RGS5: variants seen among roughly 807,000 people sequenced by gnomAD.
The protein encoded by RGS5 is regulator of G-protein signalling 5.
Under a neutral mutation model 18.9 loss-of-function variants are expected in RGS5, and 20 were observed. The ratio of observed to expected loss-of-function variants is 1.06; its 90% CI spans 0.74 to 1.54. The LOEUF is 1.54. Among genes scored for constraint, RGS5 ranks in the 40% most tolerant of loss-of-function variants. The pLI is 0.00. For missense variants in RGS5, 201 were observed against 211.8 expected (o/e 0.95, Z 0.32); for synonymous variants, 57 against 76.2 (o/e 0.75, Z 1.31).
chr1:163,278,481 T>TC (rs1648913726), intron 2 of RGS5, among the ~76,000 whole-genome samples: 1 of 152,098 alleles, frequency 6.6e-6, no homozygotes, highest in Non-Finnish European at 1.5e-5. Flanking sequence ...GAGATCATTT[T>TC]CAGGACCTGA....
At chr1:163,176,621 C>CAA (rs11397464) in intron 1 of RGS5, among the ~76,000 whole-genome samples, 36,032 of 141,790 alleles carry the variant, frequency 0.25, 4,739 homozygotes, top group Middle Eastern at 0.44. Context: ...AACTCAGTCT[C>CAA]AAAAAAAAAA....
intron 2 of RGS5, among the ~76,000 whole-genome samples, chr1:163,243,776 A>T (rs569377745): frequency 1.4e-4 from 22 of 152,034 alleles, no homozygotes; most frequent in African/African-American, 5.3e-4. Context: ...ACATTAAAAA[A>T]AAAAAAGAAG....
At chr1:163,238,744 T>C (rs1216242667) in intron 2 of RGS5, 1 of 235,944 alleles carries the variant, frequency 4.2e-6, no homozygotes, top group Non-Finnish European at 9.1e-6. Flanking sequence ...CATAGGTTTA[T>C]CTGCTAATTA....
At chr1:163,167,500 T>C (rs1191789431) in intron 2 of RGS5, among the ~76,000 whole-genome samples, 2 of 152,206 alleles carry the variant, frequency 1.3e-5, no homozygotes, top group Non-Finnish European at 2.9e-5. Context: ...CAATGCACAC[T>C]GTGAGACCTG....
At chr1:163,279,934 T>C (rs1171383469) in intron 2 of RGS5, among the ~76,000 whole-genome samples, 3 of 151,930 alleles carry the variant, frequency 2.0e-5, no homozygotes, top group Admixed American at 6.6e-5. Flanking sequence ...TGGATACATA[T>C]AACCTACCAA....
chr1:163,267,236 C>T (rs1481386005), intron 2 of RGS5: 2 of 152,054 alleles, frequency 1.3e-5, no homozygotes, highest in African/African-American at 4.8e-5. Flanking sequence ...CTTTCACCCT[C>T]TCTCTCTTTT....
At chr1:163,261,439 C>A (rs992444872) in intron 2 of RGS5, among the ~76,000 whole-genome samples, 4 of 152,166 alleles carry the variant, frequency 2.6e-5, no homozygotes, top group Non-Finnish European at 4.4e-5. Flanking sequence ...AAAACTAGGT[C>A]CATCCTCTGC....
At chr1:163,292,991 T>G (rs758063336) in intron 2 of RGS5, among the ~76,000 whole-genome samples, 1 of 151,516 alleles carries the variant, frequency 6.6e-6, no homozygotes. Flanking sequence ...GTTGATAGTT[T>G]CCTTTGCTGT....
At chr1:163,284,602 CT>C (rs1300550727) in intron 2 of RGS5, among the ~76,000 whole-genome samples, 4 of 152,100 alleles carry the variant, frequency 2.6e-5, no homozygotes, top group African/African-American at 9.7e-5. Context: ...ATGAATAGAG[CT>C]TTAGAGAATC....
intron 2 of RGS5, among the ~76,000 whole-genome samples, chr1:163,250,423 C>T (rs1557919464): frequency 1.3e-5 from 2 of 152,062 alleles, no homozygotes; most frequent in Non-Finnish European, 2.9e-5. Flanking sequence ...AATTATGAGA[C>T]GTGAAGGTGA....
chr1:163,213,881 C>G (rs576703263), intron 1 of RGS5, among the ~76,000 whole-genome samples: 1 of 152,102 alleles, frequency 6.6e-6, no homozygotes, highest in Non-Finnish European at 1.5e-5. Context: ...CCCAGAATTT[C>G]GTCATTACCA....
At chr1:163,250,980 T>C (rs1648091944) in intron 2 of RGS5, among the ~76,000 whole-genome samples, 1 of 152,242 alleles carries the variant, frequency 6.6e-6, no homozygotes, top group Non-Finnish European at 1.5e-5. Flanking sequence ...TTTCAAATTT[T>C]ATGGAACCTT....
chr1:163,217,923 C>T (rs758685316), upstream of RGS5, among the ~76,000 whole-genome samples: 7 of 151,936 alleles, frequency 4.6e-5, no homozygotes, highest in South Asian at 2.1e-4. Flanking sequence ...ACTGATTGGA[C>T]GCAAGAGGTA....
In RGS5 at chr1:163,242,800, T is replaced by C. The variant is rs116072493; in HGVS notation, c.-281+63433A>G. 2.2e-3 allele frequency among the ~76,000 whole-genome samples: 332 copies of C among 152,276 alleles called. 1 individual carries two copies. Among genetic ancestry groups the C allele is most frequent in the African/African-American group, 7.8e-3 (326 of 41,560 alleles). ...CTGAGGAATTTAGGCTTCATTACAT[T>C]TTCTATAGGGAACCTCTAACGTTTT... is the stretch of plus-strand genomic sequence containing the variant. On this transcript the variant is annotated intron_variant, in intron 2 of 5. Transcript: ENST00000618415.
chr1:163,257,358 C>T (rs1049436426), intron 2 of RGS5, among the ~76,000 whole-genome samples: 3 of 152,018 alleles, frequency 2.0e-5, no homozygotes, highest in African/African-American at 7.2e-5. Flanking sequence ...TTGGGTTCTT[C>T]ATAGTCAAAG....
At chr1:163,286,174 A>G (rs1259913552) in intron 2 of RGS5, among the ~76,000 whole-genome samples, 1 of 152,194 alleles carries the variant, frequency 6.6e-6, no homozygotes, top group East Asian at 1.9e-4. Context: ...AAAAACCAGT[A>G]CAACAATTAT....
At chr1:163,201,856 A>G (rs977768894) in intron 1 of RGS5, among the ~76,000 whole-genome samples, 2 of 152,156 alleles carry the variant, frequency 1.3e-5, no homozygotes, top group Admixed American at 6.6e-5. Flanking sequence ...GATCTTCTTT[A>G]TTTACTTTAA....
intron 3 of RGS5, among the ~76,000 whole-genome samples, chr1:163,152,937 T>G (rs1007112613): frequency 6.8e-6 from 1 of 147,918 alleles, no homozygotes; most frequent in Non-Finnish European, 1.5e-5. Context: ...CTGCTCATCA[T>G]GCAGAGCTGT....
chr1:163,165,671 C>T (rs777960278), intron 2 of RGS5, among the ~76,000 whole-genome samples: 3 of 151,870 alleles, frequency 2.0e-5, no homozygotes, highest in Non-Finnish European at 2.9e-5. Flanking sequence ...TTTGGGAGGC[C>T]GAGGTGGGCA....
Sources: allele counts gnomAD v4.1 joint callset (sites outside exome capture counted in the v4.1 genomes callset), GRCh38; gene constraint gnomAD v4.1.1; transcripts MANE v1.5; gene names NCBI Gene and HGNC (gene_info 2026-07-23, HGNC 2026-07-21).